Variants in FBXL2 observed in about 807,000 individuals in gnomAD.
FBXL2 encodes the protein F-box and leucine rich repeat protein 2, also known as F-box/LRR-repeat protein 2.
FBXL2 carries 38 observed loss-of-function variants against 69.2 expected under a neutral mutation model. That is an observed-to-expected ratio of 0.55 (90% CI 0.42 to 0.72). The LOEUF (loss-of-function observed/expected upper bound fraction) is 0.72, where lower values mean the gene tolerates loss of function less well. FBXL2 is among the 30% of genes least tolerant of loss of function. FBXL2 has a pLI of 0.00. For missense variants in FBXL2, 354 were observed against 520.3 expected (o/e 0.68, Z 3.11); for synonymous variants, 192 against 201.3 (o/e 0.95, Z 0.39).
In FBXL2 at chr3:33,387,492, C is replaced by G. The variant is rs1233196205; in HGVS notation, c.*1884C>G. Reference sequence around the variant, plus strand: ...TGCTGGGCACCTGTAATCTCAGCTACTCGGGAGGCTGAAGCAGGAGAAATG... The same window carrying G: ...TGCTGGGCACCTGTAATCTCAGCTAGTCGGGAGGCTGAAGCAGGAGAAATG... On this transcript the variant is annotated 3_prime_UTR_variant, in exon 15 of 15. Transcript: ENST00000484457. The G allele has an allele frequency of 6.6e-6, 1 of 152,254 alleles. No individual in the cohort carries two copies. Among genetic ancestry groups the G allele is most frequent in the Non-Finnish European group, 1.5e-5 (1 of 68,148 alleles). 9.4% of individuals were successfully genotyped at this position (152,254 alleles called of 1,614,324 possible).
intron 12 of FBXL2, among the ~76,000 whole-genome samples, chr3:33,394,195 TTA>T (rs2043877010): frequency 6.4e-5 from 4 of 62,868 alleles, no homozygotes; most frequent in East Asian, 1.2e-3. Flanking sequence ...CTAATTTTTA[TTA>T]TTATTATTAT....
At chr3:33,327,144 C>T (rs1003207848) in intron 2 of FBXL2, among the ~76,000 whole-genome samples, 7 of 152,144 alleles carry the variant, frequency 4.6e-5, no homozygotes, top group East Asian at 1.9e-4. Flanking sequence ...TTCTTGAATA[C>T]ACTGCAGCAC....
chr3:33,374,094 A>AC (rs2042477590), intron 9 of FBXL2, among the ~76,000 whole-genome samples, 173 bp downstream of exon 9: 1 of 152,220 alleles, frequency 6.6e-6, no homozygotes, highest in Non-Finnish European at 1.5e-5. Flanking sequence ...TGGAACAACA[A>AC]CAACAACAAA....
At chr3:33,421,614 A>G in the FBXL2 span, among the ~76,000 whole-genome samples, 2 of 152,262 alleles carry the variant, frequency 1.3e-5, no homozygotes, top group Admixed American at 1.3e-4. Context: ...TGAGGTTCAA[A>G]AAGAACTCAA....
chr3:33,291,341 A>G (rs558618797), intron 1 of FBXL2, among the ~76,000 whole-genome samples: 10 of 152,298 alleles, frequency 6.6e-5, no homozygotes, highest in Non-Finnish European at 1.0e-4. Flanking sequence ...AGCAAAAACA[A>G]TTTGTCTACA....
At chr3:33,295,776 T>A (rs553749073) in intron 1 of FBXL2, among the ~76,000 whole-genome samples, 13 of 152,356 alleles carry the variant, frequency 8.5e-5, no homozygotes, top group African/African-American at 2.9e-4. Context: ...TAGCCAATCC[T>A]ATGGGTATGA....
At chr3:33,401,120 A>C in intron 12 of FBXL2, 1 of 1,062,726 alleles carries the variant, frequency 9.4e-7, no homozygotes, top group Non-Finnish European at 1.3e-6. Context: ...AATTTCAAGT[A>C]AGGCAACAGT....
chr3:33,419,776 C>T, the FBXL2 span, among the ~76,000 whole-genome samples: 13 of 151,930 alleles, frequency 8.6e-5, no homozygotes, highest in African/African-American at 3.1e-4. Context: ...CTAATTTGTC[C>T]CCAATCCATA....
At chr3:33,369,949 C>T (rs1301264662) in intron 5 of FBXL2, among the ~76,000 whole-genome samples, 2 of 152,166 alleles carry the variant, frequency 1.3e-5, no homozygotes, top group Admixed American at 6.5e-5. Context: ...GTTGTATACA[C>T]CCAAGTAGTT....
In FBXL2 at chr3:33,278,578, G is replaced by A. The variant is rs1355995675; in HGVS notation, c.3+1063G>A. Among the ~76,000 whole-genome samples the A allele has an allele frequency of 2.0e-5, 3 of 152,114 alleles. No homozygotes were observed. The East Asian group carries it at 5.8e-4, about 29-fold the overall frequency. Reference sequence around the variant, plus strand: ...AAACTATCATTAGGAATCCTGGCTGGCTCAGTTTTTTTCTTAATAACCAAG... The same window carrying A: ...AAACTATCATTAGGAATCCTGGCTGACTCAGTTTTTTTCTTAATAACCAAG... On this transcript the variant is annotated intron_variant, in intron 1 of 14. Transcript: ENST00000484457.
chr3:33,390,562 T>C, downstream of FBXL2: 3 of 622,106 alleles, frequency 4.8e-6, no homozygotes, highest in Middle Eastern at 2.6e-4. Flanking sequence ...ATTCCCTTTT[T>C]AGACATTCTG....
At position 33,378,791 on chromosome 3, in the gene FBXL2, C is replaced by T. The variant is rs1397505701; in HGVS notation, c.951+50C>T. ...ATTCACCTGTTAAAGATGAAAGAGCCCTCCCACCACAACAAGAAGCTGTTT... is the reference window on the plus strand; with the variant it reads ...ATTCACCTGTTAAAGATGAAAGAGCTCTCCCACCACAACAAGAAGCTGTTT... On this transcript the variant is annotated intron_variant, in intron 13 of 14. Transcript: ENST00000484457. 1.8e-5 allele frequency: 29 copies of T among 1,613,640 alleles called. No homozygotes were observed. The East Asian group carries it at 6.0e-4, about 33-fold the overall frequency.
chr3:33,337,949 C>G (rs931351024), intron 2 of FBXL2, among the ~76,000 whole-genome samples: 1 of 152,106 alleles, frequency 6.6e-6, no homozygotes, highest in Non-Finnish European at 1.5e-5. Flanking sequence ...CAAAACACTG[C>G]TGAAAGAAAT....
intron 2 of FBXL2, among the ~76,000 whole-genome samples, chr3:33,298,643 C>T (rs2125718118): frequency 6.7e-6 from 1 of 149,188 alleles, no homozygotes; most frequent in South Asian, 2.1e-4. Context: ...TTGCAGTGAG[C>T]CTAGCCTGTG....
At chr3:33,327,550 G>A (rs1399137985) in intron 2 of FBXL2, among the ~76,000 whole-genome samples, 1 of 152,076 alleles carries the variant, frequency 6.6e-6, no homozygotes, top group African/African-American at 2.4e-5. Context: ...TACAGGTCAT[G>A]TGTCTAATCA....
chr3:33,372,740 TG>T (rs1349216596), intron 5 of FBXL2: 1 of 362,132 alleles, frequency 2.8e-6, no homozygotes, highest in Admixed American at 4.3e-5. Flanking sequence ...TTGATTTTTT[TG>T]TAGAGCGGAG....
chr3:33,413,108 C>T, the FBXL2 span, among the ~76,000 whole-genome samples: 1 of 152,156 alleles, frequency 6.6e-6, no homozygotes, highest in Admixed American at 6.6e-5. Context: ...AATTAAGGTT[C>T]TTCCCACTAA....
chr3:33,340,895 C>CAA (rs67092664), intron 2 of FBXL2, among the ~76,000 whole-genome samples: 7,360 of 86,302 alleles, frequency 0.085, 164 homozygotes, highest in Non-Finnish European at 0.095. Context: ...TTCCTTTGCC[C>CAA]AAAAAAAAAA....
At chr3:33,327,023 G>A (rs75213846) in intron 2 of FBXL2, among the ~76,000 whole-genome samples, 1 of 152,146 alleles carries the variant, frequency 6.6e-6, no homozygotes, top group African/African-American at 2.4e-5. Flanking sequence ...CTAAAGTCCT[G>A]TTAAGATTCT....
Sources: gnomAD v4.1 joint callset for allele counts (sites outside exome capture counted in the v4.1 genomes callset) on GRCh38, gnomAD v4.1.1 for gene constraint, MANE v1.5 for transcripts, NCBI Gene and HGNC (gene_info 2026-07-23, HGNC 2026-07-21) for gene names.